The following EYA2 variants were observed in gnomAD, a reference collection of about 807,000 sequenced individuals.
The protein encoded by EYA2 is protein phosphatase EYA2.
In EYA2, 31 loss-of-function variants were observed where a neutral mutation model predicts 69.2. That is an observed-to-expected ratio of 0.45 (90% CI 0.34 to 0.60). The LOEUF (loss-of-function observed/expected upper bound fraction) is 0.60, where lower values mean the gene tolerates loss of function less well. Among genes scored for constraint, EYA2 ranks in the 20% least tolerant of loss-of-function variants. The pLI is 0.02. For missense variants in EYA2, 622 were observed against 701.2 expected (o/e 0.89, Z 1.28); for synonymous variants, 257 against 279.4 (o/e 0.92, Z 0.80).
chr20:47,035,802 G>C (rs1984671096), intron 5 of EYA2, among the ~76,000 whole-genome samples: 1 of 151,638 alleles, frequency 6.6e-6, no homozygotes, highest in South Asian at 2.1e-4. Flanking sequence ...GAGACTAGAA[G>C]TTCGAGACCA....
intron 1 of EYA2, among the ~76,000 whole-genome samples, chr20:46,912,922 G>A (rs988449001): frequency 6.6e-6 from 1 of 150,974 alleles, no homozygotes; most frequent in Admixed American, 6.6e-5. Flanking sequence ...GGATGGTCTC[G>A]ATCTCCTGAC....
At chr20:46,968,582 TA>T (rs1037335147) in intron 1 of EYA2, among the ~76,000 whole-genome samples, 1 of 152,150 alleles carries the variant, frequency 6.6e-6, no homozygotes, top group African/African-American at 2.4e-5. Context: ...ATCATTCCTC[TA>T]AAACAGGTTT....
chr20:47,060,322 T>C (rs1038877590), intron 5 of EYA2, among the ~76,000 whole-genome samples: 1 of 152,260 alleles, frequency 6.6e-6, no homozygotes, highest in Non-Finnish European at 1.5e-5. Context: ...GGCCTCAGCA[T>C]ATGAGCCTTT....
intron 10 of EYA2, among the ~76,000 whole-genome samples, chr20:47,163,061 G>A (rs998413477): frequency 6.8e-6 from 1 of 147,798 alleles, no homozygotes; most frequent in African/African-American, 2.5e-5. Flanking sequence ...ACAGAGTCTT[G>A]CTCTGTCACC....
At chr20:46,939,729 T>C (rs559310244) in intron 1 of EYA2, among the ~76,000 whole-genome samples, 1 of 152,320 alleles carries the variant, frequency 6.6e-6, no homozygotes, top group South Asian at 2.1e-4. Flanking sequence ...CTCCTCTATT[T>C]GTAAGAGTCT....
At chr20:46,972,389 A>G in intron 1 of EYA2, among the ~76,000 whole-genome samples, 1 of 152,206 alleles carries the variant, frequency 6.6e-6, no homozygotes, top group East Asian at 1.9e-4. Context: ...ATCATTTTCA[A>G]AATAATTAGG....
rs577218347 is a variant in EYA2, at chr20:46,920,652, T to G, written c.-11+25665T>G. The stretch of plus-strand genomic sequence containing the variant: ...TTGGGGAAATCTCTGAGCTCCCCTC[T>G]GACTTCTTTCCAAGTCACTTCACCA... On this transcript the variant is annotated intron_variant, in intron 1 of 15. Coordinates refer to ENST00000327619, the MANE Select transcript of EYA2 (RefSeq NM_005244.5). 2.6e-5 allele frequency among the ~76,000 whole-genome samples: 4 copies of G among 152,364 alleles called. No individual in the cohort carries two copies. In the South Asian group the frequency reaches 8.3e-4, roughly 32 times the overall value.
intron 6 of EYA2, among the ~76,000 whole-genome samples, chr20:47,073,712 A>G (rs2031402170): frequency 6.6e-6 from 1 of 152,014 alleles, no homozygotes; most frequent in Admixed American, 6.5e-5. Flanking sequence ...GGGCTTTTCT[A>G]GAACCAGTGC....
intron 1 of EYA2, among the ~76,000 whole-genome samples, chr20:46,952,172 T>C (rs901727127): frequency 6.6e-6 from 1 of 151,844 alleles, no homozygotes; most frequent in Non-Finnish European, 1.5e-5. Context: ...CTCCTTAAGG[T>C]AGGGTGGTCA....
chr20:46,968,748 C>T (rs189215845), intron 1 of EYA2, among the ~76,000 whole-genome samples: 108 of 152,230 alleles, frequency 7.1e-4, no homozygotes, highest in Admixed American at 3.5e-3. Flanking sequence ...CAGACATTGC[C>T]AGGTGTCCTC....
At chr20:47,037,089 G>T (rs991234188) in intron 5 of EYA2, among the ~76,000 whole-genome samples, 1 of 152,176 alleles carries the variant, frequency 6.6e-6, no homozygotes, top group African/African-American at 2.4e-5. Flanking sequence ...TCATAAGGTG[G>T]CAGGAAGGAG....
chr20:46,921,083 A>T lies in EYA2; in HGVS notation c.-11+26096A>T, dbSNP rs189286342. 7.4e-3 allele frequency among the ~76,000 whole-genome samples: 1,131 copies of T among 152,174 alleles called. 10 individuals are homozygous for T. Among genetic ancestry groups the T allele is most frequent in the Middle Eastern group, 0.01 (3 of 294 alleles). ...CAGGCTTGGAGGCTGGGTAGATGCC[A>T]TTTCTCTAACCCTGCCAGAACTCTA... On this transcript the variant is annotated intron_variant, in intron 1 of 15. Coordinates refer to ENST00000327619, the MANE Select transcript of EYA2 (RefSeq NM_005244.5).
chr20:46,948,534 T>A (rs1055278613), intron 1 of EYA2, among the ~76,000 whole-genome samples: 2 of 152,222 alleles, frequency 1.3e-5, no homozygotes, highest in African/African-American at 4.8e-5. Context: ...GGACTAATAT[T>A]TCTTATCAGC....
intron 1 of EYA2, among the ~76,000 whole-genome samples, chr20:46,936,377 A>G (rs749472827): frequency 2.6e-5 from 4 of 152,190 alleles, no homozygotes; most frequent in African/African-American, 2.4e-5. Flanking sequence ...AGGCTGACGC[A>G]GGAAAATCGC....
intron 9 of EYA2, among the ~76,000 whole-genome samples, chr20:47,125,900 AAG>A (rs1185657548): frequency 3.3e-5 from 5 of 152,066 alleles, no homozygotes; most frequent in Admixed American, 1.3e-4. Flanking sequence ...TTTTCTTTAA[AAG>A]AGAGAGGGGA....
chr20:47,068,349 C>T (rs1388045547), intron 5 of EYA2, among the ~76,000 whole-genome samples: 1 of 152,244 alleles, frequency 6.6e-6, no homozygotes, highest in Non-Finnish European at 1.5e-5. Flanking sequence ...AGGCCCTGAG[C>T]TGGGAAGCAT....
chr20:47,015,921 AAG>A (rs1405651050), intron 4 of EYA2, among the ~76,000 whole-genome samples: 1 of 152,232 alleles, frequency 6.6e-6, no homozygotes, highest in Admixed American at 6.5e-5. Context: ...GTCATTCAAA[AAG>A]AAGCCGTAAG....
intron 9 of EYA2, among the ~76,000 whole-genome samples, chr20:47,137,792 G>T (rs1312052946): frequency 6.6e-6 from 1 of 151,872 alleles, no homozygotes; most frequent in Non-Finnish European, 1.5e-5. Flanking sequence ...TTTCCTACTT[G>T]GATAAACTAT....
chr20:46,953,457 C>T (rs1978925861), intron 1 of EYA2, among the ~76,000 whole-genome samples: 1 of 152,188 alleles, frequency 6.6e-6, no homozygotes, highest in Admixed American at 6.5e-5. Flanking sequence ...CTCATGTACA[C>T]TAAAAATGAA....
Sources: gnomAD v4.1 joint callset for allele counts (sites outside exome capture counted in the v4.1 genomes callset) on GRCh38, gnomAD v4.1.1 for gene constraint, MANE v1.5 for transcripts, NCBI Gene and HGNC (gene_info 2026-07-23, HGNC 2026-07-21) for gene names.